Variants in LNPK observed in about 807,000 individuals in gnomAD.
LNPK encodes lunapark, ER junction formation factor.
A neutral mutation model predicts 55.2 loss-of-function variants in LNPK; 29 were observed. The observed-to-expected ratio is 0.53, with a 90% CI of 0.39 to 0.72. The LOEUF is 0.72. LNPK is among the 30% of genes least tolerant of loss of function. The pLI, the probability that LNPK is intolerant of heterozygous loss-of-function variation, is 0.00. For missense variants in LNPK, 467 were observed against 494.8 expected, an observed-to-expected ratio of 0.94 and a Z score of 0.53; for synonymous variants, 162 against 168.2, an observed-to-expected ratio of 0.96 and a Z score of 0.29.
chr2:175,965,626 T>C (rs767233319), intron 6 of LNPK, among the ~76,000 whole-genome samples: 4 of 152,214 alleles, frequency 2.6e-5, no homozygotes, highest in Non-Finnish European at 5.9e-5. Context: ...GATTCCTCAT[T>C]AAACACTCAA....
chr2:175,950,074 G>A (rs1298235358), intron 8 of LNPK, among the ~76,000 whole-genome samples: 3 of 151,974 alleles, frequency 2.0e-5, no homozygotes, highest in Non-Finnish European at 4.4e-5. Context: ...CATTCCACAT[G>A]AATCTGGCAA....
At chr2:175,953,202 C>A (rs1382900200) in intron 8 of LNPK, among the ~76,000 whole-genome samples, 2 of 152,072 alleles carry the variant, frequency 1.3e-5, no homozygotes, top group Non-Finnish European at 2.9e-5. Flanking sequence ...GCTCTTCTTT[C>A]TTCATCTACT....
chr2:175,952,766 T>C (rs1685487542), intron 8 of LNPK, among the ~76,000 whole-genome samples: 1 of 152,092 alleles, frequency 6.6e-6, no homozygotes. Context: ...TGCTCCTTTT[T>C]AGCTACCACA....
chr2:175,960,276 G>A (rs987792313), intron 8 of LNPK, among the ~76,000 whole-genome samples: 4 of 151,966 alleles, frequency 2.6e-5, no homozygotes, highest in Admixed American at 1.3e-4. Context: ...GCATCACATC[G>A]CACTTACTCC....
intron 6 of LNPK, chr2:175,967,752 A>G: frequency 1.0e-6 from 1 of 973,812 alleles, no homozygotes; most frequent in Non-Finnish European, 1.2e-6. Context: ...AGAGTATTCC[A>G]CAATAATAGT....
intron 9 of LNPK, among the ~76,000 whole-genome samples, chr2:175,942,525 G>A (rs1275640144): frequency 6.6e-6 from 1 of 151,838 alleles, no homozygotes; most frequent in Non-Finnish European, 1.5e-5. Context: ...ATCAGCAGCA[G>A]ATAAACATCT....
rs1553501591 is a variant in LNPK, at chr2:175,951,607, A to ATC, written c.494-3916_494-3915insGA. On this transcript the variant is annotated intron_variant, in intron 8 of 12. Coordinates refer to ENST00000272748, the MANE Select transcript of LNPK (RefSeq NM_030650.3). ...TTCATATATATATATATATATATAT[A>ATC]TATCTCAGTTTCTTTATCCACTCAT... Among the ~76,000 whole-genome samples the ATC allele has an allele frequency of 5.7e-5, 7 of 121,754 alleles. 1 individual carries two copies. The highest frequency in any genetic ancestry group is 4.2e-4 in the East Asian group (2 of 4,756). 79.9% of individuals were successfully genotyped at this position (121,754 alleles called of 152,430 possible). A position where few individuals can be genotyped will look rare whatever the true frequency, so the allele number is the denominator to read the frequency against.
intron 8 of LNPK, among the ~76,000 whole-genome samples, chr2:175,949,222 C>A (rs1685287419): frequency 6.6e-6 from 1 of 152,158 alleles, no homozygotes; most frequent in Admixed American, 6.5e-5. Flanking sequence ...ACTTTCCATG[C>A]AATTTATATA....
chr2:175,929,269 T>C lies in LNPK; in HGVS notation c.*698A>G. The C allele has an allele frequency of 1.0e-6, 1 of 967,240 alleles. No individual in the cohort carries two copies. Among genetic ancestry groups the C allele is most frequent in the South Asian group, 4.8e-5 (1 of 20,978 alleles). The allele number at this position is 967,240 out of a possible 1,614,324, so 59.9% of individuals were successfully genotyped here. On this transcript the variant is annotated 3_prime_UTR_variant, in exon 13 of 13. Coordinates refer to ENST00000272748, the MANE Select transcript of LNPK (RefSeq NM_030650.3). ...TTTCCTATATGCTAGTGTGTAAATA[T>C]AAACTAATTATATACATAATGTGCC...
chr2:175,995,861 T>A (rs888882424), intron 1 of LNPK, among the ~76,000 whole-genome samples: 2 of 122,172 alleles, frequency 1.6e-5, no homozygotes, highest in Non-Finnish European at 3.2e-5. Flanking sequence ...TTGCCCAGGC[T>A]GGAGTGCAGT....
intron 9 of LNPK, among the ~76,000 whole-genome samples, chr2:175,941,977 A>G (rs1684872621): frequency 6.6e-6 from 1 of 152,066 alleles, no homozygotes; most frequent in African/African-American, 2.4e-5. Context: ...AACTGTCAAA[A>G]ATGTTATATC....
chr2:175,941,783 T>C (rs1574819162), intron 9 of LNPK, among the ~76,000 whole-genome samples: 1 of 109,910 alleles, frequency 9.1e-6, no homozygotes, highest in Non-Finnish European at 1.7e-5. Flanking sequence ...ACAGCGAGAT[T>C]CCATCTCAAA....
chr2:175,994,184 GT>G, intron 2 of LNPK: 1 of 981,826 alleles, frequency 1.0e-6, no homozygotes, highest in Non-Finnish European at 1.2e-6. Flanking sequence ...GTTCATTGTA[GT>G]TTCCATAAGA....
At chr2:175,970,875 G>T in intron 5 of LNPK, 71 bp from the exon 6 acceptor site, 2 of 1,246,252 alleles carry the variant, frequency 1.6e-6, no homozygotes, top group Non-Finnish European at 2.1e-6. Context: ...AATGACACAC[G>T]GTAGCAAACA....
At chr2:175,967,411 G>GA (rs1292823384) in intron 6 of LNPK, among the ~76,000 whole-genome samples, 3 of 151,886 alleles carry the variant, frequency 2.0e-5, no homozygotes, top group Non-Finnish European at 4.4e-5. Context: ...AAATAAATGT[G>GA]AAAAAAACTT....
intron 12 of LNPK, among the ~76,000 whole-genome samples, chr2:175,933,308 CAT>C (rs1259526897): frequency 6.6e-6 from 1 of 152,016 alleles, no homozygotes; most frequent in African/African-American, 2.4e-5. Context: ...CATGCAAAAA[CAT>C]GTAAAGAATA....
intron 1 of LNPK, among the ~76,000 whole-genome samples, chr2:175,997,119 C>G (rs984629941): frequency 6.6e-6 from 1 of 152,118 alleles, no homozygotes; most frequent in Non-Finnish European, 1.5e-5. Flanking sequence ...TGGAGTTTCT[C>G]AGAAAAGTAA....
intron 6 of LNPK, among the ~76,000 whole-genome samples, chr2:175,966,226 G>A (rs576038289): frequency 6.6e-6 from 1 of 152,214 alleles, no homozygotes; most frequent in African/African-American, 2.4e-5. Context: ...ACCACACCCG[G>A]CTAGTTTTTG....
intron 6 of LNPK, among the ~76,000 whole-genome samples, chr2:175,966,167 C>T (rs568664813): frequency 3.3e-5 from 5 of 152,238 alleles, no homozygotes; most frequent in Admixed American, 1.3e-4. Context: ...CAGGTTCAAG[C>T]GATTCTCTGC....
Sources: allele counts gnomAD v4.1 joint callset (sites outside exome capture counted in the v4.1 genomes callset), GRCh38; gene constraint gnomAD v4.1.1; transcripts MANE v1.5; gene names NCBI Gene and HGNC (gene_info 2026-07-23, HGNC 2026-07-21).